The following LRRC49 variants were observed in gnomAD, a reference collection of about 807,000 sequenced individuals.
The protein encoded by LRRC49 is leucine-rich repeat-containing protein 49.
Under a neutral mutation model 83.3 loss-of-function variants are expected in LRRC49, and 50 were observed. That is an observed-to-expected ratio of 0.60 (90% CI 0.48 to 0.76). LRRC49 has a LOEUF of 0.76. Among genes scored for constraint, LRRC49 ranks in the 30% least tolerant of loss-of-function variants. LRRC49 has a pLI of 0.00. For synonymous variants in LRRC49, 286 were observed against 283.3 expected, an observed-to-expected ratio of 1.01 and a Z score of -0.10; for missense variants, 704 against 809.1, an observed-to-expected ratio of 0.87 and a Z score of 1.58.
intron 11 of LRRC49, among the ~76,000 whole-genome samples, chr15:71,003,710 T>C (rs2038348033): frequency 1.3e-5 from 2 of 152,242 alleles, no homozygotes; most frequent in Admixed American, 1.3e-4. Context: ...TGAAAATATA[T>C]GTATTATGAT....
intron 9 of LRRC49, among the ~76,000 whole-genome samples, chr15:70,972,549 A>G (rs558008500): frequency 2.8e-4 from 42 of 152,270 alleles, no homozygotes; most frequent in African/African-American, 1.0e-3. Flanking sequence ...AGGTTGGGGA[A>G]GTTCTCCTGG....
chr15:70,994,404 T>C (rs2038006311), intron 11 of LRRC49, among the ~76,000 whole-genome samples: 1 of 152,154 alleles, frequency 6.6e-6, no homozygotes, highest in Non-Finnish European at 1.5e-5. Flanking sequence ...GTAGGGGAAA[T>C]AGGTTTCCAC....
At chr15:70,922,393 G>C (rs2035040414) in intron 7 of LRRC49, among the ~76,000 whole-genome samples, 1 of 152,118 alleles carries the variant, frequency 6.6e-6, no homozygotes, top group Non-Finnish European at 1.5e-5. Flanking sequence ...GAATGAACTG[G>C]AGATCACATT....
upstream of LRRC49, chr15:70,892,734 T>C: frequency 1.3e-6 from 2 of 1,512,080 alleles, no homozygotes; most frequent in Admixed American, 2.2e-5. Flanking sequence ...AACGACTGTG[T>C]GGCTCTATCG....
At chr15:70,903,651 T>G (rs983930332) in intron 4 of LRRC49, among the ~76,000 whole-genome samples, 6 of 152,172 alleles carry the variant, frequency 3.9e-5, no homozygotes, top group Admixed American at 6.5e-5. Flanking sequence ...AAAGAGAATA[T>G]TTCTAATAAA....
At position 71,009,018 on chromosome 15, in the gene LRRC49, T is replaced by C. The variant is rs570394801; in HGVS notation, c.1407+402T>C. Among the ~76,000 whole-genome samples the C allele has an allele frequency of 3.9e-5, 6 of 152,056 alleles. No individual in the cohort carries two copies. The South Asian group carries it at 1.2e-3, about 32-fold the overall frequency. The stretch of plus-strand genomic sequence containing the variant: ...CAATGTTGAAAATAATTTTAATAGC[T>C]CATTAAAATTACTTTGAGAAATTAG... On this transcript the variant is annotated intron_variant, in intron 12 of 15. Coordinates refer to ENST00000260382, the MANE Select transcript of LRRC49 (RefSeq NM_017691.5).
rs545781220 is a variant in LRRC49, at chr15:70,985,634, T to C, written c.1169+1377T>C. ...GCTGTGCAGAAGCTCTTGAGTTCAATTAGATCCCATTTGTCAATTTTGGCT... is the reference window on the plus strand; with the variant it reads ...GCTGTGCAGAAGCTCTTGAGTTCAACTAGATCCCATTTGTCAATTTTGGCT... On this transcript the variant is annotated intron_variant, in intron 11 of 15. Transcript: ENST00000260382. 3.9e-5 allele frequency among the ~76,000 whole-genome samples: 6 copies of C among 152,310 alleles called. No individual in the cohort carries two copies. In the South Asian group the frequency reaches 8.3e-4, roughly 21 times the overall value.
intron 6 of LRRC49, chr15:70,918,475 A>G (rs1322136598): frequency 6.6e-6 from 1 of 152,278 alleles, no homozygotes; most frequent in African/African-American, 2.4e-5. Context: ...CCCTCACTAA[A>G]CATCTTCCAT....
intron 14 of LRRC49, among the ~76,000 whole-genome samples, chr15:71,024,089 G>A (rs1409778947): frequency 6.6e-6 from 1 of 152,216 alleles, no homozygotes; most frequent in Non-Finnish European, 1.5e-5. Flanking sequence ...CCAGCCAGGG[G>A]TTTAGGGACA....
upstream of LRRC49, chr15:70,892,057 G>A (rs1357217525): frequency 1.2e-6 from 2 of 1,613,706 alleles, no homozygotes; most frequent in Non-Finnish European, 1.7e-6. Flanking sequence ...AGAAGCGCAG[G>A]TTCTTCTGGA....
intron 8 of LRRC49, among the ~76,000 whole-genome samples, chr15:70,939,472 A>G (rs986942252): frequency 1.5e-4 from 23 of 152,280 alleles, no homozygotes; most frequent in Non-Finnish European, 3.2e-4. Context: ...AAGCAAATCA[A>G]AGTTCTCTTG....
At chr15:70,971,748 T>G (rs2037008337) in intron 9 of LRRC49, among the ~76,000 whole-genome samples, 1 of 152,090 alleles carries the variant, frequency 6.6e-6, no homozygotes, top group Non-Finnish European at 1.5e-5. Context: ...TTTTTTGATC[T>G]TTGTTGGTTT....
At chr15:70,861,781 C>T (rs185728785) in intron 1 of LRRC49, among the ~76,000 whole-genome samples, 21 of 152,212 alleles carry the variant, frequency 1.4e-4, no homozygotes, top group South Asian at 6.2e-4. Flanking sequence ...GACCCTTAGC[C>T]GGGCATGGTG....
chr15:71,043,883 T>A (rs1232533673), intron 15 of LRRC49, among the ~76,000 whole-genome samples: 2 of 152,192 alleles, frequency 1.3e-5, no homozygotes, highest in African/African-American at 4.8e-5. Flanking sequence ...TTGTTATCCC[T>A]AAATTATTAT....
chr15:70,859,037 G>A (rs374386246), intron 1 of LRRC49: 22 of 1,406,930 alleles, frequency 1.6e-5, no homozygotes, highest in South Asian at 1.4e-4. Context: ...CATAGACAAG[G>A]TATGGTTCCT....
chr15:70,898,586 G>C (rs1003461216), intron 3 of LRRC49: 14 of 515,646 alleles, frequency 2.7e-5, no homozygotes, highest in Admixed American at 1.4e-4. Flanking sequence ...ACCCCATCTT[G>C]AACATGGGTA....
intron 2 of LRRC49, among the ~76,000 whole-genome samples, chr15:70,873,853 G>A (rs1173211935): frequency 6.6e-6 from 1 of 152,188 alleles, no homozygotes; most frequent in African/African-American, 2.4e-5. Flanking sequence ...AAGAAGTGGA[G>A]AAATAGATTT....
intron 11 of LRRC49, among the ~76,000 whole-genome samples, chr15:70,995,289 A>G (rs1388363834): frequency 2.0e-5 from 3 of 152,216 alleles, no homozygotes; most frequent in Non-Finnish European, 2.9e-5. Flanking sequence ...AATGAGGAGC[A>G]TATAAAGTAA....
intron 14 of LRRC49, among the ~76,000 whole-genome samples, chr15:71,032,812 C>A (rs910850897): frequency 6.6e-6 from 1 of 152,138 alleles, no homozygotes; most frequent in South Asian, 2.1e-4. Flanking sequence ...AATTTGACAT[C>A]CCTTCATGTT....
Sources: gnomAD v4.1 joint callset for allele counts (sites outside exome capture counted in the v4.1 genomes callset) on GRCh38, gnomAD v4.1.1 for gene constraint, MANE v1.5 for transcripts, NCBI Gene and HGNC (gene_info 2026-07-23, HGNC 2026-07-21) for gene names.